The following OXR1 variants were observed in gnomAD, a reference collection of about 807,000 sequenced individuals.
The protein encoded by OXR1 is oxidation resistance 1.
OXR1 carries 41 observed loss-of-function variants against 104.6 expected under a neutral mutation model. The ratio of observed to expected loss-of-function variants is 0.39; its 90% CI spans 0.31 to 0.51. The LOEUF is 0.51. OXR1 is among the 20% of genes least tolerant of loss of function. The pLI, the probability that OXR1 is intolerant of heterozygous loss-of-function variation, is 0.77. For synonymous variants in OXR1, 348 were observed against 348.4 expected (o/e 1.00, Z 0.01); for missense variants, 955 against 1,031.9 (o/e 0.93, Z 1.02).
chr8:106,696,662 C>A (rs955600986), intron 7 of OXR1, among the ~76,000 whole-genome samples: 5 of 152,122 alleles, frequency 3.3e-5, no homozygotes, highest in African/African-American at 7.2e-5. Context: ...CTAATAGATC[C>A]GTAGTGGTAA....
At chr8:106,681,283 C>T (rs564615860) in intron 4 of OXR1, among the ~76,000 whole-genome samples, 6 of 151,990 alleles carry the variant, frequency 3.9e-5, no homozygotes, top group African/African-American at 7.2e-5. Context: ...TATATTATCT[C>T]GGTAACATAG....
intron 3 of OXR1, among the ~76,000 whole-genome samples, chr8:106,647,012 T>C (rs1266355132): frequency 1.3e-5 from 2 of 152,212 alleles, no homozygotes; most frequent in African/African-American, 4.8e-5. Flanking sequence ...ATTATACCAT[T>C]GTAATTACTG....
chr8:106,434,278 C>T (rs11994811), intron 2 of OXR1, among the ~76,000 whole-genome samples: 34,411 of 152,082 alleles, frequency 0.23, 5,414 homozygotes, highest in African/African-American at 0.42. Context: ...GGCAACACTA[C>T]TCTTCCACTA....
intron 3 of OXR1, among the ~76,000 whole-genome samples, chr8:106,571,038 T>C (rs1239900061): frequency 2.0e-5 from 3 of 151,912 alleles, no homozygotes; most frequent in Non-Finnish European, 4.4e-5. Context: ...ACGGGACACA[T>C]TGTTCCAAAG....
intron 1 of OXR1, among the ~76,000 whole-genome samples, chr8:106,326,831 G>A (rs554500305): frequency 2.0e-4 from 30 of 152,246 alleles, no homozygotes; most frequent in African/African-American, 7.2e-4. Flanking sequence ...AGGGTAGAGG[G>A]ACATCATGAG....
intron 2 of OXR1, among the ~76,000 whole-genome samples, chr8:106,487,933 T>C (rs954668930): frequency 6.6e-6 from 1 of 151,504 alleles, no homozygotes; most frequent in African/African-American, 2.4e-5. Flanking sequence ...TTTGGGTATA[T>C]ACCCAGTAAT....
chr8:106,447,435 T>G (rs978473140), intron 2 of OXR1, among the ~76,000 whole-genome samples: 4 of 152,224 alleles, frequency 2.6e-5, no homozygotes, highest in African/African-American at 9.6e-5. Flanking sequence ...TGCCACTTAC[T>G]AGTTATGTAA....
At chr8:106,321,315 G>C (rs1015433529) in intron 1 of OXR1, among the ~76,000 whole-genome samples, 3 of 152,136 alleles carry the variant, frequency 2.0e-5, no homozygotes, top group East Asian at 3.9e-4. Context: ...GGATTTTATA[G>C]TATATAGTAT....
rs1826377483 is a variant in OXR1, at chr8:106,666,752, AAAC to A, written c.221-12457_221-12455del. Among the ~76,000 whole-genome samples, 6 of 152,310 alleles carry A rather than the reference AAAC, an allele frequency of 3.9e-5. No homozygotes were observed. The South Asian group carries it at 1.2e-3, about 32-fold the overall frequency. The stretch of plus-strand genomic sequence containing the variant: ...TTCACCTGGACAGTGGAGGATGAGA[AAAC>A]TGATCAGATACGGAAGGTAATCAGA... On this transcript the variant is annotated intron_variant, in intron 3 of 16. Coordinates refer to ENST00000517566, the MANE Select transcript of OXR1 (RefSeq NM_001198533.2).
chr8:106,464,192 T>C (rs1195480198), intron 2 of OXR1, among the ~76,000 whole-genome samples: 3 of 152,110 alleles, frequency 2.0e-5, no homozygotes, highest in Non-Finnish European at 4.4e-5. Flanking sequence ...TCCACAAATA[T>C]TTCCTTTGGA....
intron 2 of OXR1, among the ~76,000 whole-genome samples, chr8:106,415,369 A>G (rs2130518686): frequency 6.6e-6 from 1 of 152,290 alleles, no homozygotes; most frequent in East Asian, 1.9e-4. Flanking sequence ...TTGATTTAAC[A>G]GCTGATTTTG....
intron 1 of OXR1, chr8:106,271,981 G>A (rs972498323): frequency 6.6e-6 from 1 of 152,212 alleles, no homozygotes; most frequent in Non-Finnish European, 1.5e-5. Flanking sequence ...TGTTGCCTGC[G>A]GACTGGGAAG....
intron 8 of OXR1, 35 bp from the exon 9 acceptor site, chr8:106,706,347 A>T: frequency 6.8e-7 from 1 of 1,465,308 alleles, no homozygotes; most frequent in Non-Finnish European, 9.2e-7. Flanking sequence ...CACAATTTTA[A>T]AAGTCTAATT....
At chr8:106,665,980 A>T (rs1587006605) in intron 3 of OXR1, among the ~76,000 whole-genome samples, 1 of 152,210 alleles carries the variant, frequency 6.6e-6, no homozygotes, top group East Asian at 1.9e-4. Context: ...GAACTCTGTA[A>T]TAAAGCAAAA....
intron 2 of OXR1, among the ~76,000 whole-genome samples, chr8:106,443,084 C>G (rs1402169848): frequency 1.3e-5 from 2 of 151,958 alleles, no homozygotes; most frequent in African/African-American, 4.8e-5. Context: ...TATCTGTGTC[C>G]CAGAGATTCT....
rs146340683 is a variant in OXR1, at chr8:106,481,479, T to G, written c.24-37464T>G. On this transcript the variant is annotated intron_variant, in intron 2 of 16. Coordinates refer to ENST00000517566, the MANE Select transcript of OXR1 (RefSeq NM_001198533.2). ...TAAATGGTTCTCCAATAAAGTGTTTTAATAGCTCCAGTAAGAACATCTGAC... is the reference window on the plus strand; with the variant it reads ...TAAATGGTTCTCCAATAAAGTGTTTGAATAGCTCCAGTAAGAACATCTGAC... 1.6e-3 allele frequency among the ~76,000 whole-genome samples: 248 copies of G among 152,170 alleles called. 1 individual carries two copies. Among genetic ancestry groups the G allele is most frequent in the Middle Eastern group, 3.4e-3 (1 of 294 alleles).
intron 11 of OXR1, among the ~76,000 whole-genome samples, chr8:106,714,735 C>T (rs148327237): frequency 1.1e-3 from 164 of 152,182 alleles, no homozygotes; most frequent in African/African-American, 3.6e-3. Context: ...AGAGCAGATG[C>T]TAAAATGTTA....
Position 106,447,990 on chromosome 8 carries a change from C to T in OXR1, c.24-70953C>T, listed in dbSNP as rs73701936. On this transcript the variant is annotated intron_variant, in intron 2 of 16. Coordinates refer to ENST00000517566, the MANE Select transcript of OXR1 (RefSeq NM_001198533.2). ...GATCAGATCCGCCCCGGCTCCCACA[C>T]AGCTATAAGGTTGCCTGCCTGCCTG... 374 of 1,532,468 alleles carry T rather than the reference C, an allele frequency of 2.4e-4. No individual in the cohort carries two copies. In the African/African-American group the frequency reaches 4.6e-3, roughly 19 times the overall value. The allele number at this position is 1,532,468 out of a possible 1,614,324, so 94.9% of individuals were successfully genotyped here. A position where few individuals can be genotyped will look rare whatever the true frequency, so the allele number is the denominator to read the frequency against.
At chr8:106,406,229 G>A (rs935814549) in intron 2 of OXR1, among the ~76,000 whole-genome samples, 4 of 152,036 alleles carry the variant, frequency 2.6e-5, no homozygotes, top group Admixed American at 6.6e-5. Flanking sequence ...GTTACTTCTG[G>A]CCCTCTAATA....
Sources: allele counts gnomAD v4.1 joint callset (sites outside exome capture counted in the v4.1 genomes callset), GRCh38; gene constraint gnomAD v4.1.1; transcripts MANE v1.5; gene names NCBI Gene and HGNC (gene_info 2026-07-23, HGNC 2026-07-21).